Variants in SAMD8 observed in about 807,000 individuals in gnomAD.
SAMD8 encodes sphingomyelin synthase-related protein 1.
In SAMD8, 20 loss-of-function variants were observed where a neutral mutation model predicts 42.0. That is an observed-to-expected ratio of 0.48 (90% confidence interval 0.34 to 0.69). SAMD8 has a LOEUF of 0.69. Among genes scored for constraint, SAMD8 ranks in the 30% least tolerant of loss-of-function variants. SAMD8 has a pLI of 0.01. For synonymous variants in SAMD8, 162 were observed against 173.0 expected (o/e 0.94, Z 0.50); for missense variants, 328 against 511.6 (o/e 0.64, Z 3.46).
intron 2 of SAMD8, among the ~76,000 whole-genome samples, chr10:75,158,307 A>G (rs1840468693): frequency 6.6e-6 from 1 of 151,550 alleles, no homozygotes; most frequent in African/African-American, 2.4e-5. Flanking sequence ...TTTAAAGTAT[A>G]CAGGCTGAGT....
chr10:75,143,808 A>G (rs12247349), intron 1 of SAMD8, among the ~76,000 whole-genome samples: 2 of 151,740 alleles, frequency 1.3e-5, no homozygotes, highest in Non-Finnish European at 2.9e-5. Context: ...GTTTTCACCA[A>G]ATTTGGAAAA....
chr10:75,101,215 C>T (rs1654383159), intron 1 of SAMD8, among the ~76,000 whole-genome samples: 1 of 152,152 alleles, frequency 6.6e-6, no homozygotes, highest in Non-Finnish European at 1.5e-5. Context: ...GTACTTGCAG[C>T]TATGTGGTCT....
At chr10:75,141,830 C>G (rs142499405) in intron 1 of SAMD8, among the ~76,000 whole-genome samples, 1 of 151,974 alleles carries the variant, frequency 6.6e-6, no homozygotes, top group East Asian at 1.9e-4. Flanking sequence ...CGTGAGCCAC[C>G]ACGCCTGGCC....
rs138359882 is a variant in SAMD8 at position 75,136,453 on chromosome 10, T to C, written c.-15-14061T>C. Among the ~76,000 whole-genome samples the C allele has an allele frequency of 3.7e-3, 570 of 152,324 alleles. 44 individuals carry two copies. The South Asian group carries it at 0.11, about 29-fold the overall frequency. On this transcript the variant is annotated intron_variant, in intron 1 of 5. Coordinates refer to ENST00000542569, the MANE Select transcript of SAMD8 (RefSeq NM_001174156.2). ...TAAACTTACCTTGCCTTACCTAGAA[T>C]TGGACCAGAATGTGGACCTTATATG... is the stretch of plus-strand genomic sequence containing the variant.
chr10:75,136,638 G>A (rs921805113), intron 1 of SAMD8, among the ~76,000 whole-genome samples: 11 of 152,130 alleles, frequency 7.2e-5, no homozygotes, highest in Non-Finnish European at 2.9e-5. Context: ...ATTTAAATTG[G>A]CCTGTCAGAG....
At chr10:75,131,279 T>A (rs1159595760) in intron 1 of SAMD8, among the ~76,000 whole-genome samples, 4 of 152,252 alleles carry the variant, frequency 2.6e-5, no homozygotes, top group Non-Finnish European at 5.9e-5. Flanking sequence ...CTGCTTCTGG[T>A]TTGTATAACA....
chr10:75,147,572 C>G (rs182917005), intron 1 of SAMD8, among the ~76,000 whole-genome samples: 4 of 152,144 alleles, frequency 2.6e-5, no homozygotes, highest in African/African-American at 2.4e-5. Context: ...GTGATCCACC[C>G]GTCTCAGCCT....
In SAMD8 at chr10:75,181,822, C is replaced by T. The variant is rs1407619008; in HGVS notation, c.*5130C>T. ...GTATTATTAGAAAAATGAAGTATTT[C>T]TGACATGGAACAAAGAAAGTGGAAA... On this transcript the variant is annotated 3_prime_UTR_variant, in exon 6 of 6. Coordinates refer to ENST00000542569, the MANE Select transcript of SAMD8 (RefSeq NM_001174156.2). 1 of 152,108 alleles carries T rather than the reference C, an allele frequency of 6.6e-6. No individual in the cohort carries two copies. The highest frequency in any genetic ancestry group is 1.5e-5 in the Non-Finnish European group (1 of 68,020). The allele number at this position is 152,108 out of a possible 1,614,324, so 9.4% of individuals were successfully genotyped here.
At chr10:75,137,242 TAGAA>T (rs1371187642) in intron 1 of SAMD8, among the ~76,000 whole-genome samples, 3 of 152,160 alleles carry the variant, frequency 2.0e-5, no homozygotes, top group African/African-American at 7.2e-5. Flanking sequence ...TATTCAGCCT[TAGAA>T]AGAAAATTCT....
chr10:75,122,349 C>A (rs146080092), intron 1 of SAMD8, among the ~76,000 whole-genome samples: 3 of 152,104 alleles, frequency 2.0e-5, no homozygotes, highest in Non-Finnish European at 4.4e-5. Flanking sequence ...CAGTGGCTCA[C>A]GCCTGTAATC....
rs1451142155 is a variant in SAMD8, at chr10:75,181,260, C to G, written c.*4568C>G. ...TGTAAGCAGTTTAGCCTGAATTATCCCATACTGCTGTAGAGGAGAATTGTT... is the reference window on the plus strand; with the variant it reads ...TGTAAGCAGTTTAGCCTGAATTATCGCATACTGCTGTAGAGGAGAATTGTT... On this transcript the variant is annotated 3_prime_UTR_variant, in exon 6 of 6. Transcript: ENST00000542569. The G allele has an allele frequency of 1.3e-5, 2 of 152,076 alleles. No homozygotes were observed. Among genetic ancestry groups the G allele is most frequent in the African/African-American group, 2.4e-5 (1 of 41,416 alleles). The allele number at this position is 152,076 out of a possible 1,614,324, so 9.4% of individuals were successfully genotyped here.
intron 1 of SAMD8, among the ~76,000 whole-genome samples, chr10:75,141,683 A>T (rs1050492451): frequency 7.9e-5 from 12 of 151,770 alleles, no homozygotes; most frequent in Non-Finnish European, 1.8e-4. Flanking sequence ...CTGGGACTAC[A>T]GGTGCCTGCC....
chr10:75,168,671 CTTCT>C lies in SAMD8; in HGVS notation c.792+16_792+19del. On this transcript the variant is annotated intron_variant, in intron 4 of 5. Transcript: ENST00000542569. ...GTGTACTGGAAAGGTAGCCTGCTAC[CTTCT>C]TTATCATTCTTGTTTTTGGTGGGTT... is the stretch of plus-strand genomic sequence containing the variant. The C allele has an allele frequency of 2.6e-6, 4 of 1,528,254 alleles. No homozygotes were observed. Among genetic ancestry groups the C allele is most frequent in the Non-Finnish European group, 3.6e-6 (4 of 1,101,912 alleles). The allele number at this position is 1,528,254 out of a possible 1,614,324, so 94.7% of individuals were successfully genotyped here. A position where few individuals can be genotyped will look rare whatever the true frequency, so the allele number is the denominator to read the frequency against.
At chr10:75,117,058 C>G (rs140665654) in intron 1 of SAMD8, among the ~76,000 whole-genome samples, 64 of 152,028 alleles carry the variant, frequency 4.2e-4, no homozygotes, top group African/African-American at 1.4e-3. Flanking sequence ...GCATCCACCC[C>G]CCTTGGCCTC....
intron 1 of SAMD8, among the ~76,000 whole-genome samples, chr10:75,106,101 C>CTTTTTTTTTTTTTTTTTTTTTT (rs767630456): frequency 8.1e-6 from 1 of 123,024 alleles, no homozygotes; most frequent in Non-Finnish European, 1.7e-5. Flanking sequence ...TCTTTCTTTT[C>CTTTTTTTTTTTTTTTTTTTTTT]TTTTTTTTTT....
intron 2 of SAMD8, 139 bp from the exon 3 acceptor site, chr10:75,164,506 C>A: frequency 7.2e-7 from 1 of 1,385,860 alleles, no homozygotes; most frequent in Admixed American, 3.2e-5. Context: ...CTCCCAGTTT[C>A]TCCAAATATC....
intron 1 of SAMD8, among the ~76,000 whole-genome samples, chr10:75,148,613 A>G (rs1202688585): frequency 6.6e-6 from 1 of 152,134 alleles, no homozygotes; most frequent in East Asian, 1.9e-4. Context: ...TCGGCCTCCC[A>G]AAGTGCTGGG....
chr10:75,141,308 C>T lies in SAMD8; in HGVS notation c.-15-9206C>T, dbSNP rs189610580. Among the ~76,000 whole-genome samples, 441 of 150,176 alleles carry T rather than the reference C, an allele frequency of 2.9e-3. 3 individuals carry two copies. Among genetic ancestry groups the T allele is most frequent in the African/African-American group, 0.01 (423 of 40,820 alleles). ...GGTGGAGGTTGCAGTGAGCCGAGAT[C>T]GTGCCACTGCACTCCAACCTGGGTG... On this transcript the variant is annotated intron_variant, in intron 1 of 5. Transcript: ENST00000542569.
chr10:75,157,165 A>G (rs1436408855), intron 2 of SAMD8, among the ~76,000 whole-genome samples: 1 of 152,044 alleles, frequency 6.6e-6, no homozygotes, highest in Admixed American at 6.6e-5. Flanking sequence ...TATAGTGTTG[A>G]TTCTTTTAAC....
Sources: allele counts gnomAD v4.1 joint callset (sites outside exome capture counted in the v4.1 genomes callset), GRCh38; gene constraint gnomAD v4.1.1; transcripts MANE v1.5; gene names NCBI Gene and HGNC (gene_info 2026-07-23, HGNC 2026-07-21).